Variants in CFLAR observed in about 807,000 individuals in gnomAD.
CFLAR encodes the protein CASP8 and FADD like apoptosis regulator.
A neutral mutation model predicts 51.1 loss-of-function variants in CFLAR; 14 were observed. The ratio of observed to expected loss-of-function variants is 0.27; its 90% confidence interval spans 0.18 to 0.43. The LOEUF (loss-of-function observed/expected upper bound fraction) is 0.43, where lower values mean the gene tolerates loss of function less well. Among genes scored for constraint, CFLAR ranks in the 20% least tolerant of loss-of-function variants. The pLI, the probability that CFLAR is intolerant of heterozygous loss-of-function variation, is 1.00. For missense variants in CFLAR, 390 were observed against 566.5 expected (o/e 0.69, Z 3.16); for synonymous variants, 210 against 211.6 (o/e 0.99, Z 0.06).
intron 8 of CFLAR, among the ~76,000 whole-genome samples, chr2:201,157,337 C>T (rs1314343551): frequency 1.3e-5 from 2 of 152,090 alleles, no homozygotes; most frequent in Non-Finnish European, 2.9e-5. Flanking sequence ...GATGGGGTTT[C>T]GCCATGTTGC....
chr2:201,117,712 G>A (rs1363321547), intron 1 of CFLAR, among the ~76,000 whole-genome samples: 1 of 143,428 alleles, frequency 7.0e-6, no homozygotes, highest in Non-Finnish European at 1.5e-5. Flanking sequence ...CCTTACAAAA[G>A]TTTCGTTGAA....
At chr2:201,162,822 A>C in intron 9 of CFLAR, 1 of 525,854 alleles carries the variant, frequency 1.9e-6, no homozygotes, top group Middle Eastern at 5.2e-4. Context: ...TTTGCATGTC[A>C]GTAGTCACAT....
At chr2:201,141,745 T>A in intron 5 of CFLAR, 15 of 660,184 alleles carry the variant, frequency 2.3e-5, no homozygotes, top group Non-Finnish European at 2.9e-5. Context: ...TCCTAGTACT[T>A]AGTACAAGGT....
chr2:201,156,172 A>C (rs555402184), intron 8 of CFLAR, among the ~76,000 whole-genome samples: 2 of 152,218 alleles, frequency 1.3e-5, no homozygotes, highest in Non-Finnish European at 2.9e-5. Flanking sequence ...TGTAGGCAAT[A>C]AGGGGAACTT....
At chr2:201,126,041 T>C (rs1287681116) in intron 1 of CFLAR, among the ~76,000 whole-genome samples, 1 of 152,142 alleles carries the variant, frequency 6.6e-6, no homozygotes, top group Admixed American at 6.5e-5. Context: ...GTCTGATTGT[T>C]GTACCTGAGC....
intron 5 of CFLAR, among the ~76,000 whole-genome samples, chr2:201,145,118 G>A (rs1939846650): frequency 6.6e-6 from 1 of 152,188 alleles, no homozygotes; most frequent in African/African-American, 2.4e-5. Flanking sequence ...ATCCCAAGGT[G>A]TTGGGATTAC....
At chr2:201,128,824 T>C (rs2048951580) in intron 1 of CFLAR, among the ~76,000 whole-genome samples, 1 of 152,122 alleles carries the variant, frequency 6.6e-6, no homozygotes, top group African/African-American at 2.4e-5. Flanking sequence ...AGTAGATAGG[T>C]TAGCAACTTA....
At chr2:201,134,963 C>T (rs1251052873) in intron 3 of CFLAR, among the ~76,000 whole-genome samples, 1 of 152,116 alleles carries the variant, frequency 6.6e-6, no homozygotes, top group Non-Finnish European at 1.5e-5. Flanking sequence ...TAGTAATTGT[C>T]TCTCCCAGCC....
At chr2:201,123,979 T>C (rs1175209709) in intron 1 of CFLAR, among the ~76,000 whole-genome samples, 5 of 152,240 alleles carry the variant, frequency 3.3e-5, no homozygotes, top group South Asian at 4.1e-4. Context: ...GGTTTCTCCA[T>C]TGCCGCCCAG....
chr2:201,146,178 G>T (rs952283787), intron 6 of CFLAR: 4 of 151,372 alleles, frequency 2.6e-5, no homozygotes, highest in Non-Finnish European at 5.9e-5. Context: ...ACAGAGTCTT[G>T]CTCTGTCACC....
intron 1 of CFLAR, among the ~76,000 whole-genome samples, chr2:201,123,202 C>A (rs1335953803): frequency 6.6e-6 from 1 of 152,118 alleles, no homozygotes; most frequent in African/African-American, 2.4e-5. Context: ...TTTTCTGCAG[C>A]CTACACATAA....
At chr2:201,141,723 T>C (rs556568607) in intron 5 of CFLAR, 109 of 910,898 alleles carry the variant, frequency 1.2e-4, no homozygotes, top group African/African-American at 4.0e-4. Flanking sequence ...TAGTCACTTA[T>C]GGTTGTTGTG....
chr2:201,136,341 C>G (rs1281802419), intron 4 of CFLAR: 1 of 1,598,516 alleles, frequency 6.3e-7, no homozygotes, highest in Admixed American at 1.7e-5. Context: ...CCAAGCAGTT[C>G]TTAACATTTC....
intron 3 of CFLAR, 135 bp from the exon 4 acceptor site, chr2:201,135,837 G>A: frequency 8.1e-7 from 1 of 1,227,514 alleles, no homozygotes; most frequent in Non-Finnish European, 1.1e-6. Context: ...ATTTTGCTCA[G>A]GCTGGTCTCA....
chr2:201,130,454 T>C (rs1333853088), intron 2 of CFLAR, among the ~76,000 whole-genome samples: 1 of 147,510 alleles, frequency 6.8e-6, no homozygotes, highest in Non-Finnish European at 1.5e-5. Context: ...CTCCGCCTTC[T>C]GGGTTCAAGC....
intron 8 of CFLAR, among the ~76,000 whole-genome samples, chr2:201,155,373 C>T (rs1028891856): frequency 2.0e-5 from 3 of 151,630 alleles, no homozygotes; most frequent in Admixed American, 2.0e-4. Flanking sequence ...TCAAGCGATT[C>T]TCCGCCTCAG....
Position 201,163,932 on chromosome 2 carries a change from C to A in CFLAR, c.1402C>A (p.Gln468Lys), listed in dbSNP as rs1244472342. ...SAKEKYYVWL[Q>K]HTLRKKLILS... The stretch of plus-strand genomic sequence containing the variant: ...CAAGGAGAAATATTATGTCTGGCTG[C>A]AGCACACTCTGAGAAAGAAACTTAT... The change falls in exon 10 of 10, where the codon CAG (glutamine) becomes AAG (lysine). Residue 468 changes from glutamine to lysine, a missense_variant. By Grantham distance (53) the Gln-to-Lys change is moderately conservative. This residue lies in a region of CFLAR where 287 missense variants were observed against 363.6 expected (regional missense o/e 0.79). Coordinates refer to ENST00000309955, the MANE Select transcript of CFLAR (RefSeq NM_003879.7). The A allele has an allele frequency of 1.2e-6, 2 of 1,614,044 alleles. No individual in the cohort carries two copies. The highest frequency in any genetic ancestry group is 1.7e-6 in the Non-Finnish European group (2 of 1,179,986).
chr2:201,136,835 AAC>A, intron 4 of CFLAR: 1 of 262,388 alleles, frequency 3.8e-6, no homozygotes, highest in Admixed American at 4.9e-5. Flanking sequence ...CCGATTATTT[AAC>A]ACACAGGGAC....
rs1553571661 is a variant in CFLAR, at chr2:201,176,280, G to GGGGT, written c.*12310_*12311insTGGG. 3.7e-5 allele frequency: 2 copies of GGGGT among 53,914 alleles called. No homozygotes were observed. Among genetic ancestry groups the GGGGT allele is most frequent in the African/African-American group, 5.8e-5 (1 of 17,306 alleles). 3.3% of individuals were successfully genotyped at this position (53,914 alleles called of 1,614,324 possible). The stretch of plus-strand genomic sequence containing the variant: ...TCAGTCTCAGGTGTTTTCTATTGCG[G>GGGGT]GGGGGGGGGGCGGGCGGGGGAGCTG... On this transcript the variant is annotated 3_prime_UTR_variant, in exon 10 of 10. Coordinates refer to ENST00000309955, the MANE Select transcript of CFLAR (RefSeq NM_003879.7).
Sources: allele counts gnomAD v4.1 joint callset (sites outside exome capture counted in the v4.1 genomes callset), GRCh38; gene constraint gnomAD v4.1.1; regional missense constraint gnomAD v4.1.1; transcripts MANE v1.5; gene names NCBI Gene and HGNC (gene_info 2026-07-23, HGNC 2026-07-21).